Variants in CLCN3 observed in about 807,000 individuals in gnomAD.
CLCN3 encodes H(+)/Cl(-) exchange transporter 3.
A neutral mutation model predicts 83.4 loss-of-function variants in CLCN3; 16 were observed. The ratio of observed to expected loss-of-function variants is 0.19; its 90% CI spans 0.13 to 0.29. The LOEUF is 0.29. Among genes scored for constraint, CLCN3 ranks in the 10% least tolerant of loss-of-function variants. The probability of loss-of-function intolerance (pLI) is 1.00; values close to 1 mark genes in which losing one functional copy is unlikely to be tolerated. For synonymous variants in CLCN3, 322 were observed against 346.2 expected (o/e 0.93, Z 0.78); for missense variants, 544 against 1,006.0 (o/e 0.54, Z 6.21).
chr4:169,681,709 A>G (rs1418562223), intron 3 of CLCN3, among the ~76,000 whole-genome samples: 1 of 152,222 alleles, frequency 6.6e-6, no homozygotes, highest in African/African-American at 2.4e-5. Context: ...AGGATTTTAA[A>G]AAAAAATAAT....
chr4:169,655,859 G>A (rs1730867227), intron 2 of CLCN3, among the ~76,000 whole-genome samples: 2 of 152,120 alleles, frequency 1.3e-5, no homozygotes, highest in African/African-American at 2.4e-5. Context: ...CCTGTGATAT[G>A]TTATTTGGGT....
intron 3 of CLCN3, among the ~76,000 whole-genome samples, chr4:169,686,810 G>A (rs1433867134): frequency 6.6e-6 from 1 of 152,230 alleles, no homozygotes; most frequent in East Asian, 1.9e-4. Flanking sequence ...CTTAGTAAGA[G>A]AGGTGAGACT....
intron 7 of CLCN3, among the ~76,000 whole-genome samples, chr4:169,694,920 A>G (rs1426647022): frequency 1.3e-5 from 2 of 152,244 alleles, no homozygotes; most frequent in Admixed American, 6.5e-5. Flanking sequence ...AGTTAGGTAT[A>G]GTTGGCTTAC....
chr4:169,636,592 C>A (rs547646535), intron 2 of CLCN3, among the ~76,000 whole-genome samples: 2 of 152,236 alleles, frequency 1.3e-5, no homozygotes, highest in East Asian at 3.9e-4. Context: ...TCTTTTATGT[C>A]TGTGGCTTTT....
At chr4:169,636,893 A>G (rs1730218117) in intron 2 of CLCN3, among the ~76,000 whole-genome samples, 1 of 152,120 alleles carries the variant, frequency 6.6e-6, no homozygotes, top group South Asian at 2.1e-4. Flanking sequence ...CAGCATTATC[A>G]GATACTATCA....
intron 2 of CLCN3, among the ~76,000 whole-genome samples, chr4:169,637,201 T>C (rs1178582738): frequency 2.6e-5 from 4 of 152,202 alleles, no homozygotes; most frequent in Non-Finnish European, 4.4e-5. Flanking sequence ...TTTCCCTGTT[T>C]TATAGGAGTT....
chr4:169,648,440 T>G (rs1489911182), intron 2 of CLCN3, among the ~76,000 whole-genome samples: 1 of 152,194 alleles, frequency 6.6e-6, no homozygotes, highest in Non-Finnish European at 1.5e-5. Context: ...GTAGAAAATA[T>G]AAATGATGAA....
Position 169,687,701 on chromosome 4 carries a change from G to A in CLCN3, c.362G>A (p.Ser121Asn). ...GAATCAGCATGGGAAATGACAAAAA[G>A]TTTGTATGATGCGTGGTCAGGATGG... ...KKESAWEMTK[S>N]LYDAWSGWLV... The change falls in exon 4 of 13, where the codon AGT (serine) becomes AAT (asparagine). Residue 121 changes from serine (S) to asparagine (N), a missense_variant. Coordinates refer to ENST00000513761, the MANE Select transcript of CLCN3 (RefSeq NM_001829.4). 1 of 1,611,374 alleles carries A rather than the reference G, an allele frequency of 6.2e-7. No homozygotes were observed. Among genetic ancestry groups the A allele is most frequent in the Non-Finnish European group, 8.5e-7 (1 of 1,178,716 alleles).
intron 2 of CLCN3, among the ~76,000 whole-genome samples, chr4:169,640,410 TTAA>T (rs1730375988): frequency 1.3e-5 from 2 of 152,214 alleles, no homozygotes; most frequent in Admixed American, 6.5e-5. Flanking sequence ...CTATGTGTAC[TTAA>T]TAATCTCAAA....
intron 2 of CLCN3, among the ~76,000 whole-genome samples, chr4:169,672,568 TG>T (rs1731514981): frequency 6.6e-6 from 1 of 152,200 alleles, no homozygotes; most frequent in Non-Finnish European, 1.5e-5. Context: ...GAGGTGAAAT[TG>T]GATATACTGT....
intron 2 of CLCN3, among the ~76,000 whole-genome samples, chr4:169,652,310 G>A (rs967521910): frequency 1.3e-5 from 2 of 152,042 alleles, no homozygotes; most frequent in African/African-American, 4.8e-5. Flanking sequence ...ATTCATTCAA[G>A]CCAGAAATGG....
chr4:169,684,934 A>G (rs1226532602), intron 3 of CLCN3, among the ~76,000 whole-genome samples: 2 of 151,300 alleles, frequency 1.3e-5, no homozygotes, highest in Non-Finnish European at 2.9e-5. Context: ...CCAGCCTCCC[A>G]GGTAGCTGGG....
intron 2 of CLCN3, among the ~76,000 whole-genome samples, chr4:169,660,885 A>G (rs1474401327): frequency 1.3e-5 from 2 of 152,174 alleles, no homozygotes; most frequent in Admixed American, 6.5e-5. Flanking sequence ...TAGATTTTAC[A>G]CCACAAAGTA....
Position 169,621,036 on chromosome 4 carries a change from C to T in CLCN3, c.-44C>T. ...CAAAGGCAGCGCAAAAAACAGCCAC[C>T]GATTTTGCTATGTCTCTGAGCTGCG... is the stretch of plus-strand genomic sequence containing the variant. On this transcript the variant is annotated 5_prime_UTR_variant, in exon 1 of 13. Coordinates refer to ENST00000513761, the MANE Select transcript of CLCN3 (RefSeq NM_001829.4). The T allele has an allele frequency of 5.0e-6, 2 of 397,546 alleles. No individual in the cohort carries two copies. The highest frequency in any genetic ancestry group is 3.6e-5 in the East Asian group (1 of 28,062). 24.6% of individuals were successfully genotyped at this position (397,546 alleles called of 1,614,324 possible).
At chr4:169,647,399 A>C (rs1204558073) in intron 2 of CLCN3, among the ~76,000 whole-genome samples, 2 of 152,076 alleles carry the variant, frequency 1.3e-5, no homozygotes, top group East Asian at 3.9e-4. Context: ...CAAGAAAAAA[A>C]AATCTTATAT....
intron 3 of CLCN3, 89 bp from the exon 4 acceptor site, chr4:169,687,569 G>A (rs1732210618): frequency 1.3e-6 from 1 of 789,732 alleles, no homozygotes; most frequent in Non-Finnish European, 2.1e-6. Context: ...ACTGTTCTAT[G>A]TATGGTAAAT....
chr4:169,624,113 C>T (rs1773171733), intron 1 of CLCN3, among the ~76,000 whole-genome samples: 1 of 152,126 alleles, frequency 6.6e-6, no homozygotes, highest in Admixed American at 6.5e-5. Context: ...AATCAGTAGA[C>T]CACACTAATT....
At chr4:169,683,923 A>T (rs1026160107) in intron 3 of CLCN3, among the ~76,000 whole-genome samples, 1 of 152,056 alleles carries the variant, frequency 6.6e-6, no homozygotes, top group African/African-American at 2.4e-5. Flanking sequence ...TTGTAGTTTA[A>T]GTAGAGATGT....
chr4:169,696,218 T>C (rs1051643931), intron 8 of CLCN3, among the ~76,000 whole-genome samples: 5 of 152,188 alleles, frequency 3.3e-5, no homozygotes, highest in African/African-American at 4.8e-5. Context: ...GCCTCCCAAG[T>C]AGTTTTTGTT....
Sources: allele counts gnomAD v4.1 joint callset (sites outside exome capture counted in the v4.1 genomes callset), GRCh38; gene constraint gnomAD v4.1.1; transcripts MANE v1.5; gene names NCBI Gene and HGNC (gene_info 2026-07-23, HGNC 2026-07-21).